Variants in GSE1 observed in about 807,000 individuals in gnomAD.
GSE1 encodes the protein genetic suppressor element 1.
GSE1 carries 32 observed loss-of-function variants against 112.6 expected under a neutral mutation model. The ratio of observed to expected loss-of-function variants is 0.28; its 90% CI spans 0.21 to 0.38. The LOEUF is 0.38. Among genes scored for constraint, GSE1 ranks in the 10% least tolerant of loss-of-function variants. GSE1 has a pLI of 1.00. For synonymous variants in GSE1, 1,115 were observed against 735.6 expected, an observed-to-expected ratio of 1.52 and a Z score of -8.35; for missense variants, 2,348 against 1,699.2, an observed-to-expected ratio of 1.38 and a Z score of -6.71.
upstream of GSE1, among the ~76,000 whole-genome samples, chr16:85,551,077 C>A (rs1260793498): frequency 2.0e-5 from 3 of 152,082 alleles, no homozygotes; most frequent in East Asian, 5.8e-4. Flanking sequence ...CGTCCCCAGT[C>A]TTTAACAAGG....
intron 2 of GSE1, among the ~76,000 whole-genome samples, chr16:85,468,154 C>T (rs904175498): frequency 1.3e-5 from 2 of 149,762 alleles, no homozygotes; most frequent in Non-Finnish European, 3.0e-5. Context: ...TCAGGTGTTT[C>T]TGTACTTGGG....
intron 1 of GSE1, among the ~76,000 whole-genome samples, chr16:85,211,434 A>G (rs2075223609): frequency 6.6e-6 from 1 of 151,660 alleles, no homozygotes; most frequent in Non-Finnish European, 1.5e-5. Flanking sequence ...GCCTGGGTGG[A>G]GTGTGAGAAC....
chr16:85,571,623 T>C (rs996938757), intron 1 of GSE1, among the ~76,000 whole-genome samples: 3 of 152,178 alleles, frequency 2.0e-5, no homozygotes, highest in Admixed American at 2.0e-4. Context: ...CTTTGCCGTG[T>C]TTGGGGCCAC....
At chr16:85,381,281 C>T (rs1045615032) in intron 2 of GSE1, among the ~76,000 whole-genome samples, 5 of 152,212 alleles carry the variant, frequency 3.3e-5, no homozygotes, top group Non-Finnish European at 7.3e-5. Context: ...GGCCCGAATC[C>T]GAACTTCATC....
intron 1 of GSE1, among the ~76,000 whole-genome samples, chr16:85,566,931 G>A (rs781250955): frequency 9.9e-5 from 15 of 152,176 alleles, no homozygotes; most frequent in Non-Finnish European, 1.6e-4. Context: ...AGTAGGGGGC[G>A]GTCACGTAGG....
intron 1 of GSE1, among the ~76,000 whole-genome samples, chr16:85,344,888 G>T (rs991038936): frequency 6.6e-6 from 1 of 152,240 alleles, no homozygotes; most frequent in African/African-American, 2.4e-5. Context: ...GCTGTCTGCC[G>T]CCTTCAGGCA....
intron 1 of GSE1, among the ~76,000 whole-genome samples, chr16:85,241,192 C>T (rs1254220249): frequency 7.4e-6 from 1 of 134,358 alleles, no homozygotes; most frequent in Non-Finnish European, 1.6e-5. Flanking sequence ...GGCTCGGCTG[C>T]GAGACCTTGG....
chr16:85,197,986 T>C (rs2074960082), intron 1 of GSE1, among the ~76,000 whole-genome samples: 1 of 152,068 alleles, frequency 6.6e-6, no homozygotes, highest in African/African-American at 2.4e-5. Flanking sequence ...ACAAACCAAA[T>C]GCCAAGGAGT....
chr16:85,235,579 G>T (rs984577737), intron 1 of GSE1, among the ~76,000 whole-genome samples: 9 of 100,174 alleles, frequency 9.0e-5, no homozygotes, highest in African/African-American at 2.6e-4. Flanking sequence ...GTGTGGGTGG[G>T]GGGGGGGCGC....
chr16:85,421,471 C>G (rs1462151421), intron 2 of GSE1, among the ~76,000 whole-genome samples: 1 of 152,208 alleles, frequency 6.6e-6, no homozygotes, highest in Non-Finnish European at 1.5e-5. Flanking sequence ...AGGGGCAGGG[C>G]CTGGCCCCAG....
At chr16:85,488,598 C>G (rs1199471648) in intron 2 of GSE1, among the ~76,000 whole-genome samples, 1 of 152,060 alleles carries the variant, frequency 6.6e-6, no homozygotes, top group African/African-American at 2.4e-5. Flanking sequence ...CACTCAGGTT[C>G]TCGGTGAAAA....
rs570608071 is a variant in GSE1 at position 85,386,173 on chromosome 16, A to G, written c.2464+28530A>G. Among the ~76,000 whole-genome samples, 173 of 152,230 alleles carry G rather than the reference A, an allele frequency of 1.1e-3. 1 individual carries two copies. The highest frequency in any genetic ancestry group is 3.8e-3 in the African/African-American group (157 of 41,538). Reference sequence around the variant, plus strand: ...ATGGTGGTTCAGGTGGAACCCTCCCACGCCCTGCCCCCTGTTTGGGCTCAG... The same window carrying G: ...ATGGTGGTTCAGGTGGAACCCTCCCGCGCCCTGCCCCCTGTTTGGGCTCAG... On this transcript the variant is annotated intron_variant, in intron 2 of 2. Coordinates refer to the GSE1 transcript ENST00000637419.
intron 1 of GSE1, among the ~76,000 whole-genome samples, chr16:85,235,168 G>T (rs1026848596): frequency 5.3e-5 from 8 of 152,094 alleles, no homozygotes; most frequent in Non-Finnish European, 8.8e-5. Flanking sequence ...AAATAGGGGT[G>T]TCCTTTCTCC....
At chr16:85,204,025 C>G (rs1183422273) in intron 1 of GSE1, among the ~76,000 whole-genome samples, 2 of 152,216 alleles carry the variant, frequency 1.3e-5, no homozygotes, top group Admixed American at 6.5e-5. Flanking sequence ...TCGCCTCGGC[C>G]TCCCAAAGTG....
Position 85,559,829 on chromosome 16 carries a change from C to T in GSE1, c.37+3466C>T, listed in dbSNP as rs142992517. Among the ~76,000 whole-genome samples the T allele has an allele frequency of 3.3e-3, 497 of 152,338 alleles. 1 individual carries two copies. The highest frequency in any genetic ancestry group is 4.2e-3 in the Non-Finnish European group (285 of 68,036). On this transcript the variant is annotated intron_variant, in intron 1 of 2. Coordinates refer to the GSE1 transcript ENST00000635906. The stretch of plus-strand genomic sequence containing the variant: ...GTCAAGTTTGATTGGCACACAGCCA[C>T]GCCTGTTCCTCTGGCAGCTTTCACA...
At chr16:85,621,466 T>C (rs962458870) in intron 1 of GSE1, among the ~76,000 whole-genome samples, 9 of 152,240 alleles carry the variant, frequency 5.9e-5, no homozygotes, top group South Asian at 2.1e-4. Context: ...TACAGTCTTA[T>C]CGTTTTACAA....
At chr16:85,636,097 C>A (rs780155922) in intron 2 of GSE1, among the ~76,000 whole-genome samples, 1 of 152,256 alleles carries the variant, frequency 6.6e-6, no homozygotes, top group Non-Finnish European at 1.5e-5. Context: ...GGAGGCCAGA[C>A]ACCATGGCCT....
chr16:85,626,363 CTG>C (rs1387746429), intron 1 of GSE1, among the ~76,000 whole-genome samples: 2 of 152,262 alleles, frequency 1.3e-5, no homozygotes, highest in Non-Finnish European at 2.9e-5. Flanking sequence ...CCGCCAGGGT[CTG>C]TAGCAGGGTG....
intron 1 of GSE1, among the ~76,000 whole-genome samples, chr16:85,343,709 C>T (rs926915336): frequency 1.3e-5 from 2 of 152,110 alleles, no homozygotes; most frequent in African/African-American, 4.8e-5. Flanking sequence ...ATGATTGCAC[C>T]ACTGCACTCC....
Sources: gnomAD v4.1 joint callset for allele counts (sites outside exome capture counted in the v4.1 genomes callset) on GRCh38, gnomAD v4.1.1 for gene constraint, MANE v1.5 for transcripts, NCBI Gene and HGNC (gene_info 2026-07-23, HGNC 2026-07-21) for gene names.